The following SMPD3 variants were observed in gnomAD, a reference collection of about 807,000 sequenced individuals.
SMPD3 encodes the protein nSMase-2.
A neutral mutation model predicts 55.7 loss-of-function variants in SMPD3; 21 were observed. The observed-to-expected ratio is 0.38, with a 90% confidence interval of 0.27 to 0.54. SMPD3 has a LOEUF of 0.54. Ranked by LOEUF, SMPD3 falls within the 20% of genes least tolerant of loss-of-function variation. The pLI, the probability that SMPD3 is intolerant of heterozygous loss-of-function variation, is 0.80. For missense variants in SMPD3, 842 were observed against 899.6 expected (o/e 0.94, Z 0.82); for synonymous variants, 457 against 404.3 (o/e 1.13, Z -1.56).
chr16:68,436,872 G>C (rs543363196), intron 1 of SMPD3, among the ~76,000 whole-genome samples: 12 of 152,210 alleles, frequency 7.9e-5, no homozygotes, highest in Admixed American at 5.9e-4. Context: ...GACTGTATAC[G>C]AGCTTCTGAA....
At chr16:68,390,311 C>T (rs1410227856) in intron 1 of SMPD3, among the ~76,000 whole-genome samples, 5 of 152,238 alleles carry the variant, frequency 3.3e-5, no homozygotes, top group African/African-American at 7.2e-5. Flanking sequence ...TTTTCATCAG[C>T]GGAGTCTTTG....
chr16:68,359,683 A>T lies in SMPD3; in HGVS notation c.*1523T>A, dbSNP rs72792223. ...CACCAGGCAAAGCCGGCCCTGGGCC[A>T]GGCTGGGTGTAGGGCCAGGGCGCCA... On this transcript the variant is annotated 3_prime_UTR_variant, in exon 9 of 9. Transcript: ENST00000219334. 1 of 152,782 alleles carries T rather than the reference A, an allele frequency of 6.5e-6. No homozygotes were observed. Among genetic ancestry groups the T allele is most frequent in the Non-Finnish European group, 1.5e-5 (1 of 68,074 alleles). The allele number at this position is 152,782 out of a possible 1,614,324, so 9.5% of individuals were successfully genotyped here. A position where few individuals can be genotyped will look rare whatever the true frequency, so the allele number is the denominator to read the frequency against.
chr16:68,372,345 C>T lies in SMPD3; in HGVS notation c.-164G>A. On this transcript the variant is annotated 5_prime_UTR_variant, in exon 3 of 9. The change abolishes an upstream ATG in the 5' untranslated region. Coordinates refer to ENST00000219334, the MANE Select transcript of SMPD3 (RefSeq NM_018667.4). The stretch of plus-strand genomic sequence containing the variant: ...CAATGGCGAATGTTGGCCAGCCGGT[C>T]ATGGTTCACCTCGGTGGGCCATGCG... The T allele has an allele frequency of 1.1e-6, 1 of 910,260 alleles. No homozygotes were observed. The highest frequency in any genetic ancestry group is 2.6e-5 in the East Asian group (1 of 38,058). 56.4% of individuals were successfully genotyped at this position (910,260 alleles called of 1,614,324 possible).
chr16:68,372,510 A>C, intron 2 of SMPD3, 123 bp from the exon 3 acceptor site: 1 of 413,932 alleles, frequency 2.4e-6, no homozygotes, highest in Non-Finnish European at 4.5e-6. Flanking sequence ...CAGTTCTGAG[A>C]ACCAGGCTGG....
rs1342259738 is a variant in SMPD3 at position 68,371,761 on chromosome 16, C to A, written c.421G>T (p.Val141Phe). 6.2e-7 allele frequency: 1 copy of A among 1,611,576 alleles called. No individual in the cohort carries two copies. The highest frequency in any genetic ancestry group is 1.3e-5 in the African/African-American group (1 of 75,052). Reference sequence around the variant, plus strand: ...GCTTGGGTGTTAAAAAGGTTGTTGACCCTGGCGAGTGAGTCGGGCAGGAGG... The same window carrying A: ...GCTTGGGTGTTAAAAAGGTTGTTGAACCTGGCGAGTGAGTCGGGCAGGAGG... ...VCLLPDSLAR[V>F]NNLFNTQARA... Residue 141 changes from valine to phenylalanine, a missense_variant, in exon 3 of 9, where the codon GTC (valine) becomes TTC (phenylalanine). Physicochemically the swap from Val to Phe is conservative, Grantham distance 50. This residue lies in a region of SMPD3 where 193 missense variants were observed against 256.0 expected (regional missense o/e 0.75). Coordinates refer to ENST00000219334, the MANE Select transcript of SMPD3 (RefSeq NM_018667.4).
At chr16:68,397,422 G>T (rs945521124) in intron 1 of SMPD3, among the ~76,000 whole-genome samples, 1 of 152,214 alleles carries the variant, frequency 6.6e-6, no homozygotes, top group Non-Finnish European at 1.5e-5. Flanking sequence ...ACCAGGTAGA[G>T]TTCTGCTGTG....
At chr16:68,416,285 C>G (rs1340968617) in intron 1 of SMPD3, among the ~76,000 whole-genome samples, 1 of 152,342 alleles carries the variant, frequency 6.6e-6, no homozygotes, top group East Asian at 1.9e-4. Context: ...TTCCCCTGCT[C>G]TAGGCCTCGC....
chr16:68,376,849 T>G (rs1488843557), intron 2 of SMPD3, among the ~76,000 whole-genome samples: 2 of 152,342 alleles, frequency 1.3e-5, no homozygotes, highest in Non-Finnish European at 2.9e-5. Flanking sequence ...AGCTTGGGCT[T>G]GGGACTCAGG....
Position 68,359,548 on chromosome 16 carries a change from C to T in SMPD3, c.*1658G>A, listed in dbSNP as rs114412239. 707 of 152,888 alleles carry T rather than the reference C, an allele frequency of 4.6e-3. 7 individuals are homozygous for T. Among genetic ancestry groups the T allele is most frequent in the African/African-American group, 0.016 (684 of 41,582 alleles). The allele number at this position is 152,888 out of a possible 1,614,324, so 9.5% of individuals were successfully genotyped here. On this transcript the variant is annotated 3_prime_UTR_variant, in exon 9 of 9. Transcript: ENST00000219334. ...GCCAGGCATCTGGCTGGCTGCGTGG[C>T]CCCCTCTTGGTCCCTCTTGCAGCTC...
chr16:68,364,969 G>A, intron 4 of SMPD3, 48 bp downstream of exon 4: 1 of 1,613,886 alleles, frequency 6.2e-7, no homozygotes. Flanking sequence ...CTAGGCCCCA[G>A]GCACTGATCC....
At chr16:68,412,265 C>A (rs924116893) in intron 1 of SMPD3, among the ~76,000 whole-genome samples, 1 of 152,212 alleles carries the variant, frequency 6.6e-6, no homozygotes, top group Non-Finnish European at 1.5e-5. Flanking sequence ...CAGCCCAAGC[C>A]CTGTGCCAAC....
At chr16:68,364,099 CCT>C (rs1750499657) in intron 5 of SMPD3, among the ~76,000 whole-genome samples, 1 of 152,194 alleles carries the variant, frequency 6.6e-6, no homozygotes, top group African/African-American at 2.4e-5. Context: ...TTCAGCATTC[CCT>C]CTGAGGACAG....
intron 1 of SMPD3, among the ~76,000 whole-genome samples, chr16:68,402,616 C>G (rs927126735): frequency 6.6e-6 from 1 of 151,090 alleles, no homozygotes. Context: ...TTCAGCACTC[C>G]TTCCTGACTG....
At chr16:68,443,365 G>A (rs1244006774) in intron 1 of SMPD3, among the ~76,000 whole-genome samples, 7 of 152,158 alleles carry the variant, frequency 4.6e-5, no homozygotes, top group African/African-American at 1.7e-4. Context: ...AAATCTGAGA[G>A]TGCAAATAGG....
chr16:68,445,697 C>T (rs1270899219), intron 1 of SMPD3, among the ~76,000 whole-genome samples: 2 of 152,184 alleles, frequency 1.3e-5, no homozygotes, highest in East Asian at 3.8e-4. Flanking sequence ...GATCAGGCAG[C>T]CTGGGCTAGA....
chr16:68,360,883 A>T lies in SMPD3; in HGVS notation c.*323T>A. ...AACCCTGGACGAAGCTTAAGAGGAG[A>T]TACAGAGAGTACACGAACCCGGTCC... On this transcript the variant is annotated 3_prime_UTR_variant, in exon 9 of 9. Transcript: ENST00000219334. 1 of 320,702 alleles carries T rather than the reference A, an allele frequency of 3.1e-6. No homozygotes were observed. Among genetic ancestry groups the T allele is most frequent in the Admixed American group, 4.7e-5 (1 of 21,444 alleles). 19.9% of individuals were successfully genotyped at this position (320,702 alleles called of 1,614,324 possible).
chr16:68,373,442 A>G (rs1597611108), intron 2 of SMPD3, among the ~76,000 whole-genome samples: 2 of 152,170 alleles, frequency 1.3e-5, no homozygotes, highest in East Asian at 3.9e-4. Flanking sequence ...CAGACTTTCC[A>G]TGACTGGAGC....
At position 68,371,524 on chromosome 16, in the gene SMPD3, G is replaced by A; in HGVS notation, c.658C>T (p.Pro220Ser). The A allele has an allele frequency of 1.2e-6, 2 of 1,600,712 alleles. No homozygotes were observed. Among genetic ancestry groups the A allele is most frequent in the Non-Finnish European group, 1.7e-6 (2 of 1,179,482 alleles). ...VEYKGDGGRH[P>S]GDEAANGPAS... ...GGGCCGTTGGCAGCCTCGTCACCGG[G>A]GTGCCGCCCACCGTCACCCTTGTAC... The change falls in exon 3 of 9, where the codon CCC becomes TCC. Residue 220 changes from proline to serine, a missense_variant. Transcript: ENST00000219334.
chr16:68,376,344 T>C (rs548007827), intron 2 of SMPD3, among the ~76,000 whole-genome samples: 31 of 152,312 alleles, frequency 2.0e-4, no homozygotes, highest in South Asian at 4.1e-4. Context: ...AGTTGGGCCA[T>C]TGAGTGGGCC....
Sources: allele counts gnomAD v4.1 joint callset (sites outside exome capture counted in the v4.1 genomes callset), GRCh38; gene constraint gnomAD v4.1.1; regional missense constraint gnomAD v4.1.1; transcripts MANE v1.5; gene names NCBI Gene and HGNC (gene_info 2026-07-23, HGNC 2026-07-21).